Variants in ANKRD24 observed in about 807,000 individuals in gnomAD.
The protein encoded by ANKRD24 is ankyrin repeat domain-containing protein 24.
In ANKRD24, 109 loss-of-function variants were observed where a neutral mutation model predicts 127.8. The observed-to-expected ratio is 0.85, with a 90% confidence interval of 0.73 to 1.00. The LOEUF (loss-of-function observed/expected upper bound fraction) is 1.00, where lower values mean the gene tolerates loss of function less well. ANKRD24 is among the 50% of genes least tolerant of loss of function. The probability of loss-of-function intolerance (pLI) is 0.00; values close to 1 mark genes in which losing one functional copy is unlikely to be tolerated. For missense variants in ANKRD24, 1,648 were observed against 1,570.2 expected (o/e 1.05, Z -0.84); for synonymous variants, 743 against 671.1 (o/e 1.11, Z -1.66).
At chr19:4,202,715 C>A (rs1433401611) in intron 6 of ANKRD24, among the ~76,000 whole-genome samples, 154 bp from the exon 7 acceptor site, 1 of 152,210 alleles carries the variant, frequency 6.6e-6, no homozygotes, top group Non-Finnish European at 1.5e-5. Context: ...CAGCTATTTT[C>A]TTTTCTCACC....
Position 4,217,623 on chromosome 19 carries a change from C to T in ANKRD24, c.2463C>T (p.Ser821=). The T allele has an allele frequency of 7.8e-7, 1 of 1,286,994 alleles. No individual in the cohort carries two copies. The highest frequency in any genetic ancestry group is 9.8e-7 in the Non-Finnish European group (1 of 1,020,648). The allele number at this position is 1,286,994 out of a possible 1,614,324, so 79.7% of individuals were successfully genotyped here. A position where few individuals can be genotyped will look rare whatever the true frequency, so the allele number is the denominator to read the frequency against. Residue 821 remains serine (S), a synonymous_variant, in exon 18 of 22, where the codon AGC becomes AGT. Coordinates refer to ENST00000318934, the MANE Select transcript of ANKRD24 (RefSeq NM_001393985.1). Reference sequence around the variant, plus strand: ...CCTGCCTGGATGAGGCTCGGGCCAGCCGGCTGCTGGCGGAGGAGGAGGCGC... The same window carrying T: ...CCTGCCTGGATGAGGCTCGGGCCAGTCGGCTGCTGGCGGAGGAGGAGGCGC... ...ASACLDEARA[S]RLLAEEEARG...
rs536656224 is a variant in ANKRD24 at position 4,187,258 on chromosome 19, C to CA, written c.36+802dup. ...TGAAACGTTGTCTCTACTAAAAATA[C>CA]AAAAATTAGCTGGGCACGGTGGCGG... On this transcript the variant is annotated intron_variant, in intron 2 of 21. Transcript: ENST00000318934. Among the ~76,000 whole-genome samples the CA allele has an allele frequency of 5.3e-5, 8 of 152,046 alleles. No individual in the cohort carries two copies. The East Asian group carries it at 1.5e-3, about 29-fold the overall frequency.
chr19:4,209,616 A>AT (rs1042656859), intron 11 of ANKRD24, among the ~76,000 whole-genome samples: 16 of 151,222 alleles, frequency 1.1e-4, no homozygotes, highest in Non-Finnish European at 2.2e-4. Flanking sequence ...TGCCCAGCTA[A>AT]TTTTTTGTAT....
rs538886978 is a variant in ANKRD24 at position 4,189,769 on chromosome 19, C to T, written c.36+3308C>T. On this transcript the variant is annotated intron_variant, in intron 2 of 21. Transcript: ENST00000318934. ...TGTCAGCTCATTTAATCCTCACCAC[C>T]GTGTTATGAGGCAGGAGCTTTTATT... is the stretch of plus-strand genomic sequence containing the variant. 3.6e-3 allele frequency among the ~76,000 whole-genome samples: 543 copies of T among 152,182 alleles called. 3 individuals carry two copies. Among genetic ancestry groups the T allele is most frequent in the African/African-American group, 0.012 (486 of 41,520 alleles).
chr19:4,216,659 G>A lies in ANKRD24; in HGVS notation c.1499G>A (p.Arg500His), dbSNP rs769417065. The A allele has an allele frequency of 1.3e-5, 21 of 1,601,146 alleles. No individual in the cohort carries two copies. Among genetic ancestry groups the A allele is most frequent in the East Asian group, 4.5e-5 (2 of 44,404 alleles). The change falls in exon 18 of 22, where the codon CGC becomes CAC. Residue 500 changes from arginine to histidine, a missense_variant. Coordinates refer to ENST00000318934, the MANE Select transcript of ANKRD24 (RefSeq NM_001393985.1). ...CTCCGGGCCGAGTTTGACCAGCTACGCAGGCAGCACGCTGAGGCCCTGCAG... is the reference window on the plus strand; with the variant it reads ...CTCCGGGCCGAGTTTGACCAGCTACACAGGCAGCACGCTGAGGCCCTGCAG... The part of the protein sequence containing the change: ...DSLRAEFDQL[R>H]RQHAEALQAL...
At chr19:4,219,502 G>T (rs554411708) in intron 18 of ANKRD24, 89 bp from the exon 19 acceptor site, 2 of 1,455,936 alleles carry the variant, frequency 1.4e-6, no homozygotes, top group Admixed American at 2.2e-5. Flanking sequence ...AAAAACAAAA[G>T]AACAAAGTAG....
intron 2 of ANKRD24, among the ~76,000 whole-genome samples, chr19:4,193,297 CAAAAAAAA>C (rs71166975): frequency 1.1e-5 from 1 of 90,702 alleles, no homozygotes; most frequent in African/African-American, 4.6e-5. Context: ...GCGACTCCAT[CAAAAAAAA>C]AAAAAAAAAA....
intron 2 of ANKRD24, among the ~76,000 whole-genome samples, chr19:4,188,619 C>T (rs563036765): frequency 1.4e-4 from 22 of 151,928 alleles, no homozygotes; most frequent in African/African-American, 2.4e-5. Flanking sequence ...TGGCCTCAAG[C>T]GATCCTCCTA....
chr19:4,195,708 A>C lies in ANKRD24; in HGVS notation c.37-3975A>C, dbSNP rs1968689339. Among the ~76,000 whole-genome samples the C allele has an allele frequency of 6.6e-6, 1 of 152,158 alleles. No homozygotes were observed. ...GTCAGAGTTCAAGACCAGCCTGGCCAACATGACAAAACCCCGTCTCTACTA... is the reference window on the plus strand; with the variant it reads ...GTCAGAGTTCAAGACCAGCCTGGCCCACATGACAAAACCCCGTCTCTACTA... On this transcript the variant is annotated intron_variant, in intron 2 of 21. Transcript: ENST00000318934. The surrounding 1 kb of genome is among the most constrained non-coding windows in gnomAD (Gnocchi z 4.2).
chr19:4,218,333 C>CAT (rs1970248522), intron 18 of ANKRD24, among the ~76,000 whole-genome samples, 170 bp downstream of exon 18: 1 of 143,998 alleles, frequency 6.9e-6, no homozygotes, highest in African/African-American at 2.9e-5. Flanking sequence ...GAGTTTCACT[C>CAT]GTGTCGCCCA....
In ANKRD24 at chr19:4,199,992, G is replaced by A. The variant is rs1327111501; in HGVS notation, c.241G>A (p.Glu81Lys). 6 of 1,565,514 alleles carry A rather than the reference G, an allele frequency of 3.8e-6. No homozygotes were observed. Among genetic ancestry groups the A allele is most frequent in the Non-Finnish European group, 5.2e-6 (6 of 1,154,754 alleles). Residue 81 changes from glutamate (E) to lysine (K), a missense_variant, in exon 4 of 22, where the codon GAG becomes AAG. Physicochemically the swap from Glu to Lys is moderately conservative, Grantham distance 56 (BLOSUM62 1). Coordinates refer to ENST00000318934, the MANE Select transcript of ANKRD24 (RefSeq NM_001393985.1). The surrounding 1 kb of genome is among the most constrained non-coding windows in gnomAD (Gnocchi z 5.2). ...KGLVPTKLDP[E>K]GKSAFHLAAM... The stretch of plus-strand genomic sequence containing the variant: ...GCTGGTGCCCACGAAGCTAGACCCC[G>A]AGGGCAAGTCCGCGTGAGTGCCCGC...
intron 2 of ANKRD24, among the ~76,000 whole-genome samples, chr19:4,187,718 T>A (rs1968148662): frequency 6.6e-6 from 1 of 152,234 alleles, no homozygotes; most frequent in Admixed American, 6.5e-5. Flanking sequence ...GTGCCTGGCC[T>A]GGGTGGGCAA....
chr19:4,204,788 T>A (rs978667544), intron 7 of ANKRD24, among the ~76,000 whole-genome samples: 16 of 152,318 alleles, frequency 1.1e-4, no homozygotes, highest in African/African-American at 3.8e-4. Context: ...TGCCACCTAG[T>A]GGCGGCAATG....
At chr19:4,187,627 C>T (rs566560591) in intron 2 of ANKRD24, among the ~76,000 whole-genome samples, 2 of 152,308 alleles carry the variant, frequency 1.3e-5, no homozygotes, top group South Asian at 2.1e-4. Context: ...CTGTGGCGGC[C>T]AATTCAGGGC....
In ANKRD24 at chr19:4,198,185, C is replaced by T; in HGVS notation, c.37-1498C>T. On this transcript the variant is annotated intron_variant, in intron 2 of 21. Transcript: ENST00000318934. This position sits in a 1 kb window ranked among gnomAD's most constrained non-coding sequence, Gnocchi z 6.1. ...TGGTGAGGGAGCCGGGCCCCCGGCG[C>T]CGCGTCCTCCTCATCCTCCAGGCGA... is the stretch of plus-strand genomic sequence containing the variant. 1.7e-6 allele frequency: 1 copy of T among 572,288 alleles called. No individual in the cohort carries two copies. 35.5% of individuals were successfully genotyped at this position (572,288 alleles called of 1,614,324 possible).
chr19:4,209,028 G>T, intron 11 of ANKRD24: 68 of 338,862 alleles, frequency 2.0e-4, no homozygotes, highest in East Asian at 4.5e-4. Flanking sequence ...GCTGGGGTGG[G>T]AGGGCAGTGG....
chr19:4,217,540 G>C lies in ANKRD24; in HGVS notation c.2380G>C (p.Ala794Pro). 3.0e-6 allele frequency: 4 copies of C among 1,329,506 alleles called. No homozygotes were observed. The highest frequency in any genetic ancestry group is 2.9e-6 in the Non-Finnish European group (3 of 1,044,780). The allele number at this position is 1,329,506 out of a possible 1,614,324, so 82.4% of individuals were successfully genotyped here. Residue 794 changes from alanine to proline, a missense_variant, in exon 18 of 22, where the codon GCC becomes CCC. Ala to Pro is a conservative substitution (Grantham distance 27). Transcript: ENST00000318934. The stretch of plus-strand genomic sequence containing the variant: ...ACAGCTGCGGGCGGCCCTGGAGCAG[G>C]CCCGGGAGGACCTCCGAGACCGGGA... ...TTQLRAALEQAREDLRDRDSR... is the reference protein window; with the variant it reads ...TTQLRAALEQPREDLRDRDSR...
At chr19:4,214,116 G>A (rs1011614344) in intron 15 of ANKRD24, among the ~76,000 whole-genome samples, 1 of 152,012 alleles carries the variant, frequency 6.6e-6, no homozygotes, top group Non-Finnish European at 1.5e-5. Context: ...CACCCGTCTT[G>A]TGCAGTCACA....
intron 2 of ANKRD24, 112 bp downstream of exon 2, chr19:4,186,573 C>T (rs886181409): frequency 4.8e-6 from 6 of 1,243,050 alleles, no homozygotes; most frequent in African/African-American, 3.0e-5. Flanking sequence ...CTTCTCCTTT[C>T]CTCTCTGCTG....
Sources: allele counts gnomAD v4.1 joint callset (sites outside exome capture counted in the v4.1 genomes callset), GRCh38; gene constraint gnomAD v4.1.1; non-coding constraint Gnocchi (gnomAD v3.1); transcripts MANE v1.5; gene names NCBI Gene and HGNC (gene_info 2026-07-23, HGNC 2026-07-21).